The following GRM8 variants were observed in gnomAD, a reference collection of about 807,000 sequenced individuals.
GRM8 encodes metabotropic glutamate receptor 8.
In GRM8, 47 loss-of-function variants were observed where a neutral mutation model predicts 87.2. The observed-to-expected ratio is 0.54, with a 90% CI of 0.43 to 0.69. The LOEUF (loss-of-function observed/expected upper bound fraction) is 0.69. Ranked by LOEUF, GRM8 falls within the 30% of genes least tolerant of loss-of-function variation. GRM8 has a pLI of 0.00. For missense variants in GRM8, 1,019 were observed against 1,139.2 expected (o/e 0.89, Z 1.52); for synonymous variants, 396 against 404.5 (o/e 0.98, Z 0.25).
chr7:127,186,152 G>A (rs1284293290), intron 2 of GRM8, among the ~76,000 whole-genome samples: 2 of 151,872 alleles, frequency 1.3e-5, no homozygotes, highest in Non-Finnish European at 2.9e-5. Flanking sequence ...AGATAACTAG[G>A]GCAGATATCC....
At chr7:127,063,273 A>AAAC (rs1196295165) in intron 3 of GRM8, among the ~76,000 whole-genome samples, 1 of 151,516 alleles carries the variant, frequency 6.6e-6, no homozygotes, top group Non-Finnish European at 1.5e-5. Flanking sequence ...ACAAACAAAC[A>AAAC]AAAAAGCAAC....
chr7:127,140,513 G>A (rs1473748160), intron 2 of GRM8, among the ~76,000 whole-genome samples: 2 of 152,108 alleles, frequency 1.3e-5, no homozygotes, highest in African/African-American at 4.8e-5. Flanking sequence ...CAGTGATTCT[G>A]ACTTATTCTG....
At chr7:126,491,487 A>G (rs1808005668) in intron 9 of GRM8, among the ~76,000 whole-genome samples, 1 of 152,108 alleles carries the variant, frequency 6.6e-6, no homozygotes, top group South Asian at 2.1e-4. Flanking sequence ...AAGATTATTC[A>G]CAAATTTACA....
At chr7:126,869,555 A>C (rs1299388819) in intron 6 of GRM8, 2 of 152,226 alleles carry the variant, frequency 1.3e-5, no homozygotes, top group Non-Finnish European at 2.9e-5. Context: ...TGCAGAATGG[A>C]TACTGTGTTA....
chr7:126,468,505 C>A (rs1396046133), intron 9 of GRM8, among the ~76,000 whole-genome samples: 1 of 152,064 alleles, frequency 6.6e-6, no homozygotes, highest in Non-Finnish European at 1.5e-5. Flanking sequence ...TCTTCTCTTA[C>A]CCACATCAAC....
intron 8 of GRM8, among the ~76,000 whole-genome samples, chr7:126,591,589 A>C (rs950973136): frequency 6.6e-6 from 1 of 152,012 alleles, no homozygotes; most frequent in Admixed American, 6.6e-5. Flanking sequence ...ACAAACAAAA[A>C]TGAACATACA....
chr7:126,466,722 T>C (rs1337897848), intron 9 of GRM8, among the ~76,000 whole-genome samples: 3 of 151,882 alleles, frequency 2.0e-5, no homozygotes, highest in Non-Finnish European at 1.5e-5. Flanking sequence ...AATTTTCCCT[T>C]CCTGTACCTT....
intron 8 of GRM8, among the ~76,000 whole-genome samples, chr7:126,577,687 A>G (rs1338892003): frequency 2.0e-5 from 3 of 152,214 alleles, no homozygotes; most frequent in African/African-American, 7.2e-5. Flanking sequence ...CAACTTAAGT[A>G]TTAATTGAAA....
intron 6 of GRM8, among the ~76,000 whole-genome samples, chr7:126,787,316 C>T (rs1237147685): frequency 2.0e-5 from 3 of 152,158 alleles, no homozygotes; most frequent in Non-Finnish European, 2.9e-5. Context: ...TCCCCTTTCT[C>T]AGATTTCTGG....
chr7:126,963,761 A>G (rs150885016), intron 3 of GRM8, among the ~76,000 whole-genome samples: 2,823 of 152,316 alleles, frequency 0.019, 33 homozygotes, highest in Middle Eastern at 0.037. Context: ...TATAGATTCA[A>G]TGCTATACCC....
At chr7:126,716,668 C>A (rs955038214) in intron 7 of GRM8, among the ~76,000 whole-genome samples, 10 of 152,198 alleles carry the variant, frequency 6.6e-5, no homozygotes, top group African/African-American at 2.2e-4. Flanking sequence ...TGTGCCTGTG[C>A]CCAGAAACTT....
intron 7 of GRM8, among the ~76,000 whole-genome samples, chr7:126,618,709 C>G (rs982059925): frequency 3.3e-5 from 5 of 152,102 alleles, no homozygotes; most frequent in Non-Finnish European, 5.9e-5. Context: ...AACAAGTGCG[C>G]AAAGGATATG....
intron 6 of GRM8, among the ~76,000 whole-genome samples, chr7:126,877,579 C>G (rs1261298337): frequency 6.6e-6 from 1 of 150,412 alleles, no homozygotes; most frequent in Non-Finnish European, 1.5e-5. Flanking sequence ...CATCTCTACA[C>G]TTTAGCTCAT....
At chr7:126,969,147 G>C (rs1284615571) in intron 3 of GRM8, among the ~76,000 whole-genome samples, 1 of 152,164 alleles carries the variant, frequency 6.6e-6, no homozygotes, top group Non-Finnish European at 1.5e-5. Flanking sequence ...TATTTTTGCT[G>C]GTGGAGGGTC....
intron 6 of GRM8, among the ~76,000 whole-genome samples, chr7:126,875,505 G>A (rs1679828188): frequency 6.6e-6 from 1 of 152,140 alleles, no homozygotes; most frequent in African/African-American, 2.4e-5. Context: ...AATTTAAGAA[G>A]TCACCATAGG....
At chr7:127,094,599 T>G (rs1364509136) in intron 3 of GRM8, among the ~76,000 whole-genome samples, 1 of 152,162 alleles carries the variant, frequency 6.6e-6, no homozygotes, top group Non-Finnish European at 1.5e-5. Flanking sequence ...TGGAAGAGAT[T>G]CCTCCTCACA....
chr7:126,875,063 G>T (rs1799421125), intron 6 of GRM8, among the ~76,000 whole-genome samples: 1 of 151,982 alleles, frequency 6.6e-6, no homozygotes, highest in Non-Finnish European at 1.5e-5. Flanking sequence ...CACAAATATT[G>T]TCACTATAAA....
intron 7 of GRM8, among the ~76,000 whole-genome samples, chr7:126,704,757 C>T (rs1025294301): frequency 6.6e-6 from 1 of 152,048 alleles, no homozygotes; most frequent in Non-Finnish European, 1.5e-5. Flanking sequence ...AAATTCCCGC[C>T]CAATAAATTT....
chr7:126,989,221 T>C lies in GRM8; in HGVS notation c.728-84538A>G, dbSNP rs149033624. ...AAGTACATTAATTAACCAATACAAG[T>C]TATAACTTTACTAACAGTTATTATT... On this transcript the variant is annotated intron_variant, in intron 3 of 10. Coordinates refer to ENST00000339582, the MANE Select transcript of GRM8 (RefSeq NM_000845.3). Among the ~76,000 whole-genome samples the C allele has an allele frequency of 2.8e-4, 43 of 152,316 alleles. 1 individual carries two copies. The highest frequency in any genetic ancestry group is 9.9e-4 in the African/African-American group (41 of 41,580).
Sources: allele counts gnomAD v4.1 joint callset (sites outside exome capture counted in the v4.1 genomes callset), GRCh38; gene constraint gnomAD v4.1.1; transcripts MANE v1.5; gene names NCBI Gene and HGNC (gene_info 2026-07-23, HGNC 2026-07-21).